The following KALRN variants were observed in gnomAD, a reference collection of about 807,000 sequenced individuals.
KALRN encodes the protein kalirin.
A neutral mutation model predicts 353.7 loss-of-function variants in KALRN; 70 were observed. That is an observed-to-expected ratio of 0.20 (90% confidence interval 0.16 to 0.24). The LOEUF (loss-of-function observed/expected upper bound fraction) is 0.24. KALRN is among the 10% of genes least tolerant of loss of function. KALRN has a pLI of 1.00. For missense variants in KALRN, 2,791 were observed against 3,756.7 expected, an observed-to-expected ratio of 0.74 and a Z score of 6.72; for synonymous variants, 1,391 against 1,434.8, an observed-to-expected ratio of 0.97 and a Z score of 0.69.
chr3:124,361,069 T>C (rs2083983183), intron 10 of KALRN, among the ~76,000 whole-genome samples: 1 of 152,174 alleles, frequency 6.6e-6, no homozygotes, highest in Non-Finnish European at 1.5e-5. Context: ...GCTCTATAGA[T>C]TTACTGTTAA....
chr3:124,354,725 T>A (rs1187812055), intron 10 of KALRN, among the ~76,000 whole-genome samples: 1 of 152,148 alleles, frequency 6.6e-6, no homozygotes, highest in African/African-American at 2.4e-5. Context: ...AAGATAAATA[T>A]AATAGGTAGT....
intron 1 of KALRN, among the ~76,000 whole-genome samples, chr3:124,147,440 T>C (rs2067506084): frequency 6.6e-6 from 1 of 152,220 alleles, no homozygotes; most frequent in Non-Finnish European, 1.5e-5. Context: ...AGTATTTGAG[T>C]AGGTGGACCT....
intron 34 of KALRN, among the ~76,000 whole-genome samples, chr3:124,629,901 A>G (rs1479654964): frequency 2.6e-5 from 4 of 151,966 alleles, no homozygotes; most frequent in South Asian, 2.1e-4. Flanking sequence ...AATCTGTCTT[A>G]TATATCTTTA....
intron 1 of KALRN, among the ~76,000 whole-genome samples, chr3:124,174,173 C>A (rs1011854966): frequency 6.6e-6 from 1 of 152,032 alleles, no homozygotes; most frequent in Non-Finnish European, 1.5e-5. Flanking sequence ...GTAGCTCATG[C>A]CTGTAATCCC....
chr3:124,502,273 G>A (rs1177058794), intron 33 of KALRN, among the ~76,000 whole-genome samples: 1 of 152,228 alleles, frequency 6.6e-6, no homozygotes, highest in Admixed American at 6.5e-5. Context: ...GGGAAAGAGG[G>A]AAGGGAAGCA....
intron 1 of KALRN, among the ~76,000 whole-genome samples, chr3:124,190,317 G>A (rs970607396): frequency 1.3e-5 from 2 of 152,178 alleles, no homozygotes; most frequent in Non-Finnish European, 2.9e-5. Flanking sequence ...CCCCAGTGGA[G>A]TTATATGTCT....
In KALRN at chr3:124,270,824, G is replaced by GTTTTTTTTTTTTTTTTTTTTTTTTTTT. The variant is rs777615656; in HGVS notation, c.969+1592_969+1593insTTTTTTTTTTTTTTTTTTTTTTTTTTT. On this transcript the variant is annotated intron_variant, in intron 5 of 59. Transcript: ENST00000682506. Reference sequence around the variant, plus strand: ...TTTTCTTTGTTTATTTTTTTGTTTTGTTTTTTTTTTTTTTTTTTTTTTTGA... The same window carrying GTTTTTTTTTTTTTTTTTTTTTTTTTTT: ...TTTTCTTTGTTTATTTTTTTGTTTTGTTTTTTTTTTTTTTTTTTTTTTTTTTTTTTTTTTTTTTTTTTTTTTTTTTGA... Among the ~76,000 whole-genome samples the GTTTTTTTTTTTTTTTTTTTTTTTTTTT allele has an allele frequency of 3.7e-4, 29 of 78,646 alleles. 1 individual carries two copies. The highest frequency in any genetic ancestry group is 4.6e-4 in the Non-Finnish European group (19 of 41,332). The allele number at this position is 78,646 out of a possible 152,430, so 51.6% of individuals were successfully genotyped here. A position where few individuals can be genotyped will look rare whatever the true frequency, so the allele number is the denominator to read the frequency against.
chr3:124,708,815 G>A (rs2062758459), intron 57 of KALRN, among the ~76,000 whole-genome samples: 2 of 151,658 alleles, frequency 1.3e-5, no homozygotes, highest in African/African-American at 4.8e-5. Flanking sequence ...ACCATGCCCA[G>A]AACACATTGT....
chr3:124,315,743 C>T (rs4678109), intron 6 of KALRN, among the ~76,000 whole-genome samples: 152,219 of 152,220 alleles, frequency 1, 76,109 homozygotes, highest in Non-Finnish European at 1. Context: ...TTAATTTGTC[C>T]GAAATTCAGC....
intron 11 of KALRN, among the ~76,000 whole-genome samples, chr3:124,394,144 A>T (rs2089857488): frequency 6.6e-6 from 1 of 152,254 alleles, no homozygotes; most frequent in Non-Finnish European, 1.5e-5. Flanking sequence ...TGATTTGTGC[A>T]AAGGCACCAT....
chr3:124,120,528 C>T (rs1179844602), intron 1 of KALRN, among the ~76,000 whole-genome samples: 4 of 151,672 alleles, frequency 2.6e-5, no homozygotes, highest in Admixed American at 6.6e-5. Flanking sequence ...ATCTAGAGTG[C>T]GATTAATGGT....
intron 1 of KALRN, among the ~76,000 whole-genome samples, chr3:124,225,979 AT>A (rs765591818): frequency 7.9e-5 from 12 of 152,278 alleles, no homozygotes; most frequent in East Asian, 5.8e-4. Flanking sequence ...TTTATATTAC[AT>A]TTTTTTCTAT....
intron 1 of KALRN, among the ~76,000 whole-genome samples, chr3:124,175,855 AGCT>A (rs1220977918): frequency 3.9e-5 from 6 of 152,164 alleles, no homozygotes; most frequent in African/African-American, 1.4e-4. Context: ...TCTATTCTCT[AGCT>A]GTCCTCTCTG....
intron 37 of KALRN, among the ~76,000 whole-genome samples, chr3:124,642,815 T>TG (rs1559750149): frequency 1.4e-5 from 2 of 140,364 alleles, no homozygotes; most frequent in African/African-American, 5.4e-5. Flanking sequence ...CGTTTTTTTT[T>TG]TTTTTTTTTT....
Position 124,457,591 on chromosome 3 carries a change from A to C in KALRN, c.3854+863A>C, listed in dbSNP as rs72980535. Among the ~76,000 whole-genome samples the C allele has an allele frequency of 6.2e-3, 938 of 152,332 alleles. 18 individuals are homozygous for C. Among genetic ancestry groups the C allele is most frequent in the African/African-American group, 0.021 (863 of 41,566 alleles). ...ACACTTTTTATGTCCTAAACATTAC[A>C]TAAAGTGCCTTTACACACATTTTCT... is the stretch of plus-strand genomic sequence containing the variant. On this transcript the variant is annotated intron_variant, in intron 23 of 59. Coordinates refer to ENST00000682506, the MANE Select transcript of KALRN (RefSeq NM_001388419.1).
chr3:124,615,919 A>G (rs969603184), intron 34 of KALRN, among the ~76,000 whole-genome samples: 2 of 152,224 alleles, frequency 1.3e-5, no homozygotes, highest in Non-Finnish European at 1.5e-5. Flanking sequence ...CAGGTAGTGA[A>G]GACCTAGAAG....
In KALRN at chr3:124,723,021, C is replaced by A. The variant is rs1300786910; in HGVS notation, c.*3551C>A. 1 of 152,172 alleles carries A rather than the reference C, an allele frequency of 6.6e-6. No individual in the cohort carries two copies. Among genetic ancestry groups the A allele is most frequent in the East Asian group, 1.9e-4 (1 of 5,206 alleles). The allele number at this position is 152,172 out of a possible 1,614,324, so 9.4% of individuals were successfully genotyped here. ...AATTAAATAGATATATATCCACTTA[C>A]AGCTGAATGTGGTAAAATTTTTAAG... On this transcript the variant is annotated 3_prime_UTR_variant, in exon 60 of 60. Transcript: ENST00000682506.
chr3:124,436,152 G>A (rs1176993744), intron 17 of KALRN, among the ~76,000 whole-genome samples: 1 of 152,140 alleles, frequency 6.6e-6, no homozygotes, highest in Non-Finnish European at 1.5e-5. Flanking sequence ...ATATCCATAT[G>A]GAAACAAATG....
intron 1 of KALRN, among the ~76,000 whole-genome samples, chr3:124,078,240 T>C (rs751167519): frequency 1.2e-4 from 18 of 152,226 alleles, no homozygotes; most frequent in Non-Finnish European, 2.4e-4. Flanking sequence ...CTCAACTGTA[T>C]GTTGTTTGAG....
Sources: allele counts gnomAD v4.1 joint callset (sites outside exome capture counted in the v4.1 genomes callset), GRCh38; gene constraint gnomAD v4.1.1; transcripts MANE v1.5; gene names NCBI Gene and HGNC (gene_info 2026-07-23, HGNC 2026-07-21).